The following LRRK1 variants were observed in gnomAD, a reference collection of about 807,000 sequenced individuals.
The protein encoded by LRRK1 is leucine rich repeat kinase 1.
LRRK1 carries 113 observed loss-of-function variants against 209.1 expected under a neutral mutation model. The ratio of observed to expected loss-of-function variants is 0.54; its 90% CI spans 0.46 to 0.63. The LOEUF is 0.63. Ranked by LOEUF, LRRK1 falls within the 30% of genes least tolerant of loss-of-function variation. The pLI is 0.00. For synonymous variants in LRRK1, 1,144 were observed against 1,099.7 expected (o/e 1.04, Z -0.80); for missense variants, 2,284 against 2,632.2 (o/e 0.87, Z 2.89).
At position 101,051,773 on chromosome 15, in the gene LRRK1, T is replaced by G; in HGVS notation, c.3502T>G (p.Cys1168Gly). 1 of 1,614,044 alleles carries G rather than the reference T, an allele frequency of 6.2e-7. No homozygotes were observed. Among genetic ancestry groups the G allele is most frequent in the East Asian group, 2.2e-5 (1 of 44,884 alleles). Residue 1168 changes from cysteine to glycine, a missense_variant, in exon 24 of 34, where the codon TGC becomes GGC. Coordinates refer to ENST00000388948, the MANE Select transcript of LRRK1 (RefSeq NM_024652.6). Reference protein sequence around the residue: ...LMEQYVPCPVCETAWAQHTDP... With the variant: ...LMEQYVPCPVGETAWAQHTDP... ...GGAGCAGTACGTGCCCTGCCCGGTC[T>G]GCGAGACAGCCTGGGCCCAGCACAC...
chr15:101,048,099 GA>G (rs11300421), intron 21 of LRRK1, among the ~76,000 whole-genome samples: 54,531 of 147,124 alleles, frequency 0.37, 11,161 homozygotes, highest in East Asian at 0.64. Context: ...TATGGAGATA[GA>G]AAAAAAAAAA....
intron 23 of LRRK1, among the ~76,000 whole-genome samples, chr15:101,051,089 G>A (rs948103763): frequency 6.6e-6 from 1 of 152,188 alleles, no homozygotes; most frequent in Admixed American, 6.5e-5. Context: ...TGGACCTGCA[G>A]ATATCAGATG....
rs761295023 is a variant in LRRK1 at position 101,001,263 on chromosome 15, A to G, written c.763-7574A>G. On this transcript the variant is annotated intron_variant, in intron 6 of 33. Coordinates refer to ENST00000388948, the MANE Select transcript of LRRK1 (RefSeq NM_024652.6). ...TTCCCAGAGTTCTCTGGGAACCTGT[A>G]GCCTTGAAATTTACCTTCAGCTTGT... is the stretch of plus-strand genomic sequence containing the variant. 6.3e-4 allele frequency among the ~76,000 whole-genome samples: 95 copies of G among 151,958 alleles called. 1 individual carries two copies. Among genetic ancestry groups the G allele is most frequent in the Non-Finnish European group, 1.2e-3 (80 of 67,994 alleles).
At chr15:101,020,793 T>G (rs2033747084) in intron 12 of LRRK1, among the ~76,000 whole-genome samples, 1 of 152,250 alleles carries the variant, frequency 6.6e-6, no homozygotes, top group South Asian at 2.1e-4. Context: ...ACCAACCCCC[T>G]GTGGCTGGAC....
chr15:101,010,860 T>C (rs757710156), intron 9 of LRRK1, 23 bp downstream of exon 9: 2 of 1,599,846 alleles, frequency 1.3e-6, no homozygotes, highest in South Asian at 2.3e-5. Flanking sequence ...CCAAAAGTCA[T>C]GAAAGCCACA....
chr15:100,988,913 C>T (rs4357923), intron 5 of LRRK1, 100 bp downstream of exon 5: 455,046 of 999,248 alleles, frequency 0.46, 108,233 homozygotes, highest in African/African-American at 0.73. Context: ...GCTCTCAAAT[C>T]ACCTCTGTGA....
chr15:100,937,444 C>T (rs750286419), intron 2 of LRRK1, among the ~76,000 whole-genome samples: 2 of 151,930 alleles, frequency 1.3e-5, no homozygotes, highest in African/African-American at 4.8e-5. Context: ...TTTCTCTTTT[C>T]ATAAGTCTTT....
intron 17 of LRRK1, among the ~76,000 whole-genome samples, chr15:101,026,821 C>A (rs1334506896): frequency 6.6e-6 from 1 of 152,204 alleles, no homozygotes; most frequent in Admixed American, 6.5e-5. Context: ...GGTATTGGTG[C>A]ATGGGTCAGC....
intron 2 of LRRK1, among the ~76,000 whole-genome samples, chr15:100,951,964 A>ATAATAAT (rs1555460103): frequency 9.8e-4 from 143 of 146,558 alleles, no homozygotes; most frequent in Middle Eastern, 3.5e-3. Context: ...AGAAAAAAAA[A>ATAATAAT]AATAATAATA....
chr15:101,030,686 C>G (rs980304244), intron 20 of LRRK1, among the ~76,000 whole-genome samples: 1 of 152,184 alleles, frequency 6.6e-6, no homozygotes, highest in African/African-American at 2.4e-5. Context: ...CCTGCCATCT[C>G]CCAGTGAAAC....
At chr15:101,028,828 A>G (rs752556153) in intron 19 of LRRK1, 128 bp from the exon 20 acceptor site, 2 of 1,020,856 alleles carry the variant, frequency 2.0e-6, no homozygotes, top group Non-Finnish European at 2.9e-6. Flanking sequence ...AGGGTCCAGC[A>G]TGTGGGACAT....
At position 100,924,877 on chromosome 15, in the gene LRRK1, T is replaced by C. The variant is rs890551427; in HGVS notation, c.97+148T>C. On this transcript the variant is annotated intron_variant, in intron 2 of 33. Transcript: ENST00000388948. ...GTGCTCTTTCATCATATAATATATCTTGGGACTCTTAAATTCTAAAAATTG... is the reference window on the plus strand; with the variant it reads ...GTGCTCTTTCATCATATAATATATCCTGGGACTCTTAAATTCTAAAAATTG... 8.9e-6 allele frequency: 5 copies of C among 558,794 alleles called. No homozygotes were observed. The African/African-American group carries it at 9.5e-5, about 11-fold the overall frequency. 34.6% of individuals were successfully genotyped at this position (558,794 alleles called of 1,614,324 possible). A position where few individuals can be genotyped will look rare whatever the true frequency, so the allele number is the denominator to read the frequency against.
intron 31 of LRRK1, chr15:101,065,075 A>C (rs769285532): frequency 3.3e-5 from 17 of 507,634 alleles, no homozygotes; most frequent in South Asian, 1.6e-4. Flanking sequence ...CATGTGGTCC[A>C]GGTGACACGC....
chr15:100,942,074 A>T lies in LRRK1; in HGVS notation c.97+17345A>T, dbSNP rs1363634659. Among the ~76,000 whole-genome samples the T allele has an allele frequency of 5.9e-5, 9 of 152,202 alleles. No homozygotes were observed. In the East Asian group the frequency reaches 1.7e-3, roughly 29 times the overall value. On this transcript the variant is annotated intron_variant, in intron 2 of 33. Transcript: ENST00000388948. ...TTGATATTTGTAATAATTTCTAAGGATTTGGAGCAGGAGGTGGTGGCTGCA... is the reference window on the plus strand; with the variant it reads ...TTGATATTTGTAATAATTTCTAAGGTTTTGGAGCAGGAGGTGGTGGCTGCA...
chr15:101,041,512 C>A (rs2034755582), intron 20 of LRRK1, among the ~76,000 whole-genome samples: 1 of 152,064 alleles, frequency 6.6e-6, no homozygotes, highest in Admixed American at 6.6e-5. Context: ...GGGTTTTTGG[C>A]CATTCTTCCT....
chr15:101,008,157 AAAAAAAAAAAAAAAAAAAAG>A lies in LRRK1; in HGVS notation c.763-678_763-659del, dbSNP rs1482188905. Reference sequence around the variant, plus strand: ...GACTCCATCTCAAAAAAAAAAAAAAAAAAAAAAAAAAAAAAAAAAGAGGCTGGCCTCCTGCAAGAGACTGG... The same window carrying A: ...GACTCCATCTCAAAAAAAAAAAAAAAAGGCTGGCCTCCTGCAAGAGACTGG... On this transcript the variant is annotated intron_variant, in intron 6 of 33. Transcript: ENST00000388948. Among the ~76,000 whole-genome samples, 452 of 97,934 alleles carry A rather than the reference AAAAAAAAAAAAAAAAAAAAG, an allele frequency of 4.6e-3. 4 individuals carry two copies. Among genetic ancestry groups the A allele is most frequent in the African/African-American group, 0.015 (417 of 27,174 alleles). The allele number at this position is 97,934 out of a possible 152,430, so 64.2% of individuals were successfully genotyped here.
At chr15:100,950,643 T>C (rs966189170) in intron 2 of LRRK1, among the ~76,000 whole-genome samples, 13 of 152,096 alleles carry the variant, frequency 8.5e-5, no homozygotes, top group African/African-American at 3.1e-4. Flanking sequence ...AGGTAGTAAG[T>C]TGGACTTCAT....
intron 6 of LRRK1, among the ~76,000 whole-genome samples, chr15:101,005,843 A>G (rs532499899): frequency 6.6e-6 from 1 of 152,252 alleles, no homozygotes; most frequent in Non-Finnish European, 1.5e-5. Context: ...AGTGATACTT[A>G]AACAGGTGAG....
At chr15:101,008,514 G>A (rs1469181385) in intron 6 of LRRK1, among the ~76,000 whole-genome samples, 1 of 152,178 alleles carries the variant, frequency 6.6e-6, no homozygotes, top group Non-Finnish European at 1.5e-5. Context: ...GGACAATCCC[G>A]CCGCGCTCTT....
Sources: gnomAD v4.1 joint callset for allele counts (sites outside exome capture counted in the v4.1 genomes callset) on GRCh38, gnomAD v4.1.1 for gene constraint, MANE v1.5 for transcripts, NCBI Gene and HGNC (gene_info 2026-07-23, HGNC 2026-07-21) for gene names.